The following TRRAP variants were observed in gnomAD, a reference collection of about 807,000 sequenced individuals.
The protein encoded by TRRAP is transformation/transcription domain-associated protein.
A neutral mutation model predicts 438.8 loss-of-function variants in TRRAP; 41 were observed. That is an observed-to-expected ratio of 0.09 (90% confidence interval 0.07 to 0.12). TRRAP has a LOEUF of 0.12. TRRAP is among the 10% of genes least tolerant of loss of function. The pLI is 1.00. For missense variants in TRRAP, 3,122 were observed against 5,055.1 expected (o/e 0.62, Z 11.60); for synonymous variants, 1,994 against 1,962.9 (o/e 1.02, Z -0.42).
chr7:98,944,892 C>T (rs1043037327), intron 31 of TRRAP, among the ~76,000 whole-genome samples: 1 of 152,138 alleles, frequency 6.6e-6, no homozygotes, highest in Non-Finnish European at 1.5e-5. Flanking sequence ...GGAGCCTCCA[C>T]CTCCTGGGTT....
chr7:98,931,350 A>C, intron 25 of TRRAP, 55 bp from the exon 26 acceptor site: 1 of 1,589,384 alleles, frequency 6.3e-7, no homozygotes, highest in Non-Finnish European at 8.5e-7. Context: ...AGGAGACGGC[A>C]GTTGCAGTGG....
intron 23 of TRRAP, among the ~76,000 whole-genome samples, chr7:98,928,472 G>A (rs1274839353): frequency 6.6e-6 from 1 of 152,090 alleles, no homozygotes; most frequent in Admixed American, 6.5e-5. Flanking sequence ...GGTCAATACT[G>A]TACAATTTAG....
chr7:98,891,629 G>A (rs1252133956), intron 4 of TRRAP, among the ~76,000 whole-genome samples: 1 of 146,410 alleles, frequency 6.8e-6, no homozygotes, highest in African/African-American at 2.6e-5. Context: ...TCCGCCTCCC[G>A]GGTTCACACC....
In TRRAP at chr7:98,950,999, A is replaced by G. The variant is rs781926476; in HGVS notation, c.5458A>G (p.Thr1820Ala). Residue 1820 changes from threonine to alanine, a missense_variant, in exon 39 of 73, where the codon ACC becomes GCC. By Grantham distance (58) the Thr-to-Ala change is moderately conservative. This residue lies in a region of TRRAP where 272 missense variants were observed against 348.5 expected (regional missense o/e 0.78). Coordinates refer to ENST00000456197, the MANE Select transcript of TRRAP (RefSeq NM_001375524.1). ...AGAAAGCATCACCAGTGTGTTTATT[A>G]CCAAGGTGGTATCACTATGTGTGTG... ...NPESITSVFI[T>A]KVLDPEKQAD... is the part of the protein sequence containing the mutation. 3.1e-6 allele frequency: 5 copies of G among 1,597,056 alleles called. No homozygotes were observed. In the African/African-American group the frequency reaches 6.8e-5, roughly 22 times the overall value.
chr7:98,919,704 T>G (rs1338761182), intron 20 of TRRAP, among the ~76,000 whole-genome samples: 2 of 152,190 alleles, frequency 1.3e-5, no homozygotes, highest in Non-Finnish European at 2.9e-5. Flanking sequence ...TAGTATTGGT[T>G]CTACAAGGCA....
intron 67 of TRRAP, among the ~76,000 whole-genome samples, chr7:98,996,501 G>C (rs1254367842): frequency 6.6e-6 from 1 of 152,204 alleles, no homozygotes; most frequent in Non-Finnish European, 1.5e-5. Flanking sequence ...ATTGCTGTGT[G>C]AAAACGAGAT....
chr7:98,935,478 T>C, intron 27 of TRRAP, 101 bp from the exon 28 acceptor site: 1 of 906,730 alleles, frequency 1.1e-6, no homozygotes, highest in Non-Finnish European at 1.6e-6. Flanking sequence ...AGTTGTTAAT[T>C]GTGTTGCAGT....
Position 98,953,046 on chromosome 7 carries a change from TG to T in TRRAP, c.5464-120del, listed in dbSNP as rs1554418536. On this transcript the variant is annotated intron_variant, in intron 39 of 72. Transcript: ENST00000456197. The stretch of plus-strand genomic sequence containing the variant: ...TCATGTTACATTGTGTGTGTGTGTG[TG>T]TGTGTGTGTGTGTGTGTGTGTGTGT... 1.5e-3 allele frequency: 91 copies of T among 60,862 alleles called. 27 individuals are homozygous for T. Among genetic ancestry groups the T allele is most frequent in the Non-Finnish European group, 2.7e-3 (73 of 27,344 alleles). 3.8% of individuals were successfully genotyped at this position (60,862 alleles called of 1,614,324 possible). A position where few individuals can be genotyped will look rare whatever the true frequency, so the allele number is the denominator to read the frequency against.
rs376476928 is a variant in TRRAP, at chr7:98,925,902, A to G, written c.2975+639A>G. 5.3e-3 allele frequency among the ~76,000 whole-genome samples: 805 copies of G among 152,346 alleles called. 6 individuals are homozygous for G. Among genetic ancestry groups the G allele is most frequent in the Non-Finnish European group, 8.4e-3 (571 of 68,036 alleles). On this transcript the variant is annotated intron_variant, in intron 22 of 72. Coordinates refer to ENST00000456197, the MANE Select transcript of TRRAP (RefSeq NM_001375524.1). ...CAAATGCACAAGGAAGTAAAGCAAC[A>G]TGAGTAAGAGCCAGCAGAATCAATG...
rs1260819142 is a variant in TRRAP, at chr7:98,930,972, C to T, written c.3591+142C>T. 1.9e-5 allele frequency: 22 copies of T among 1,134,760 alleles called. No individual in the cohort carries two copies. In the East Asian group the frequency reaches 5.7e-4, roughly 29 times the overall value. The allele number at this position is 1,134,760 out of a possible 1,614,324, so 70.3% of individuals were successfully genotyped here. The stretch of plus-strand genomic sequence containing the variant: ...CTCAGATTTCATTTCAGCATCTTCA[C>T]TAAAAGGACAGCTCAGAGCTCCCAT... On this transcript the variant is annotated intron_variant, in intron 25 of 72. Coordinates refer to ENST00000456197, the MANE Select transcript of TRRAP (RefSeq NM_001375524.1).
chr7:98,911,033 G>A, intron 16 of TRRAP, 44 bp from the exon 17 acceptor site: 3 of 1,566,840 alleles, frequency 1.9e-6, no homozygotes, highest in Non-Finnish European at 2.6e-6. Context: ...ATTCAGAGAG[G>A]TTCAGTTTTA....
chr7:99,001,717 C>G (rs560177164), intron 67 of TRRAP, among the ~76,000 whole-genome samples: 14 of 152,150 alleles, frequency 9.2e-5, no homozygotes, highest in African/African-American at 3.1e-4. Flanking sequence ...GAATGCAGTC[C>G]GATTCTCTAG....
At chr7:98,979,470 T>C (rs932630409) in intron 58 of TRRAP, among the ~76,000 whole-genome samples, 17 of 152,226 alleles carry the variant, frequency 1.1e-4, no homozygotes, top group African/African-American at 3.9e-4. Flanking sequence ...AAAAGCTCTG[T>C]ACATGCTTAG....
In TRRAP at chr7:98,976,209, A is replaced by G; in HGVS notation, c.7900A>G (p.Lys2634Glu). ...CCACATTTCCACGACGCTGGCAGAGAAGACGTGGGTCCAGCTTTTCCCCAG... is the reference window on the plus strand; with the variant it reads ...CCACATTTCCACGACGCTGGCAGAGGAGACGTGGGTCCAGCTTTTCCCCAG... ...LCHISTTLAE[K>E]TWVQLFPRLW... is the part of the protein sequence containing the mutation. The change falls in exon 54 of 73, where the codon AAG becomes GAG. Residue 2634 changes from lysine (K) to glutamate (E), a missense_variant. Transcript: ENST00000456197. The surrounding 1 kb of genome is among the most constrained non-coding windows in gnomAD (Gnocchi z 4.6). 3.7e-6 allele frequency: 6 copies of G among 1,614,184 alleles called. No individual in the cohort carries two copies. The highest frequency in any genetic ancestry group is 5.1e-6 in the Non-Finnish European group (6 of 1,180,016).
At chr7:98,901,462 G>A (rs1584286136) in intron 11 of TRRAP, among the ~76,000 whole-genome samples, 1 of 152,374 alleles carries the variant, frequency 6.6e-6, no homozygotes, top group East Asian at 1.9e-4. Flanking sequence ...GAATCCCATT[G>A]TGTGGATGTA....
chr7:98,931,360 G>T (rs1790314978), intron 25 of TRRAP, 45 bp from the exon 26 acceptor site: 2 of 1,596,456 alleles, frequency 1.3e-6, no homozygotes, highest in Non-Finnish European at 8.5e-7. Context: ...AGTTGCAGTG[G>T]GTGGCATCGC....
At chr7:98,919,635 G>A (rs1422215485) in intron 20 of TRRAP, among the ~76,000 whole-genome samples, 4 of 152,194 alleles carry the variant, frequency 2.6e-5, no homozygotes, top group African/African-American at 4.8e-5. Flanking sequence ...GGCATAGGCC[G>A]TGGGTCAGAG....
At chr7:98,906,030 G>T (rs1554407456) in intron 12 of TRRAP, 147 bp from the exon 13 acceptor site, 3 of 580,986 alleles carry the variant, frequency 5.2e-6, no homozygotes, top group Non-Finnish European at 6.0e-6. Context: ...AATAGCACTT[G>T]TGCCTTTCTG....
intron 20 of TRRAP, among the ~76,000 whole-genome samples, chr7:98,918,998 A>G (rs1223431613): frequency 6.6e-6 from 1 of 152,136 alleles, no homozygotes; most frequent in Admixed American, 6.5e-5. Context: ...AAAAAAAAAA[A>G]AAGAAAAAAA....
Sources: gnomAD v4.1 joint callset for allele counts (sites outside exome capture counted in the v4.1 genomes callset) on GRCh38, gnomAD v4.1.1 for gene constraint, gnomAD v4.1.1 regional missense constraint, Gnocchi (gnomAD v3.1) non-coding constraint, MANE v1.5 for transcripts, NCBI Gene and HGNC (gene_info 2026-07-23, HGNC 2026-07-21) for gene names.